PAK3: variants seen among roughly 807,000 people sequenced by gnomAD.
The protein encoded by PAK3 is p21 (RAC1) activated kinase 3, also known as serine/threonine-protein kinase PAK 3.
A neutral mutation model predicts 41.0 loss-of-function variants in PAK3; 4 were observed. The ratio of observed to expected loss-of-function variants is 0.10; its 90% CI spans 0.05 to 0.22. The LOEUF is 0.22. Ranked by LOEUF, PAK3 falls within the 10% of genes least tolerant of loss-of-function variation. The probability of loss-of-function intolerance (pLI) is 1.00; values close to 1 mark genes in which losing one functional copy is unlikely to be tolerated. For synonymous variants in PAK3, 146 were observed against 139.6 expected, an observed-to-expected ratio of 1.05 and a Z score of -0.32; for missense variants, 205 against 409.9, an observed-to-expected ratio of 0.50 and a Z score of 4.32.
intron 1 of PAK3, among the ~76,000 whole-genome samples, chrX:111,046,166 G>A (rs1447088512): frequency 9.0e-6 from 1 of 111,598 alleles, no homozygotes; most frequent in Non-Finnish European, 1.9e-5. Context: ...CTATTTGCTG[G>A]GCACTGTGCT....
intron 1 of PAK3, among the ~76,000 whole-genome samples, chrX:111,070,252 ACAACAGC>A (rs2092733198): frequency 2.2e-4 from 1 of 4,563 alleles, no homozygotes; most frequent in Non-Finnish European, 7.8e-3. Flanking sequence ...ATTTATATGG[ACAACAGC>A]TGAATTTGAT....
intron 1 of PAK3, among the ~76,000 whole-genome samples, chrX:110,983,822 C>T (rs1022280516): frequency 1.8e-5 from 2 of 111,186 alleles, no homozygotes; most frequent in African/African-American, 6.6e-5. Flanking sequence ...TCTGCAAATA[C>T]ATTCCTCTTC....
chrX:110,984,922 A>G (rs1439195504), intron 1 of PAK3, among the ~76,000 whole-genome samples: 1 of 110,061 alleles, frequency 9.1e-6, no homozygotes. Context: ...TGAGCCCAGG[A>G]GTTTGAGACC....
chrX:111,159,541 A>T (rs2094145253), intron 8 of PAK3, among the ~76,000 whole-genome samples: 1 of 111,699 alleles, frequency 9.0e-6, no homozygotes, highest in African/African-American at 3.3e-5. Flanking sequence ...TCTTGAACCC[A>T]GCTGGTGTAA....
chrX:110,976,280 C>T (rs2091327407), intron 1 of PAK3, among the ~76,000 whole-genome samples: 2 of 111,984 alleles, frequency 1.8e-5, no homozygotes, highest in South Asian at 7.5e-4. Context: ...ACAAACAACC[C>T]CATCAAAAAG....
chrX:111,132,502 A>G (rs748541794), intron 5 of PAK3, among the ~76,000 whole-genome samples: 9 of 110,833 alleles, frequency 8.1e-5, no homozygotes, highest in Non-Finnish European at 1.9e-5. Flanking sequence ...GTGTCAAGCT[A>G]GGGATTATGA....
chrX:110,945,572 A>C (rs1418748910), intron 1 of PAK3, among the ~76,000 whole-genome samples: 1 of 112,071 alleles, frequency 8.9e-6, no homozygotes, highest in Non-Finnish European at 1.9e-5. Context: ...TGATCCCTGC[A>C]GTGCCTTCCC....
At chrX:111,192,473 G>A (rs916086292) in intron 12 of PAK3, 33 bp from the exon 13 acceptor site, 3 of 731,034 alleles carry the variant, frequency 4.1e-6, no homozygotes, top group Non-Finnish European at 6.5e-6. Flanking sequence ...TATAATGATT[G>A]TAATTCATTC....
At chrX:110,994,904 T>A (rs910731192) in intron 1 of PAK3, among the ~76,000 whole-genome samples, 2 of 112,015 alleles carry the variant, frequency 1.8e-5, no homozygotes, top group African/African-American at 6.5e-5. Flanking sequence ...TTACCATATG[T>A]GATTATATTA....
rs372218715 is a variant in PAK3 at position 111,192,547 on chromosome X, G to A, written c.921G>A (p.Lys307=). The A allele has an allele frequency of 1.3e-5, 15 of 1,170,167 alleles. No homozygotes were observed. The highest frequency in any genetic ancestry group is 1.7e-5 in the Non-Finnish European group (15 of 859,580). The change falls in exon 13 of 18, where the codon AAG becomes AAA. Residue 307 remains lysine (K), a synonymous_variant. Transcript: ENST00000372007. ...KQMNLQQQPK[K]ELIINEILVM... ...TGAACCTTCAACAGCAACCCAAGAA[G>A]GAATTAATTATTAATGAAATTCTGG...
chrX:111,049,879 A>G (rs901393077), intron 1 of PAK3, among the ~76,000 whole-genome samples: 3 of 111,635 alleles, frequency 2.7e-5, no homozygotes, highest in Admixed American at 9.5e-5. Context: ...GGTATAGAAC[A>G]TGCTGATTTT....
intron 17 of PAK3, among the ~76,000 whole-genome samples, chrX:111,219,226 T>TAAGAAG (rs1180692214): frequency 1.0e-5 from 1 of 99,426 alleles, no homozygotes; most frequent in African/African-American, 4.1e-5. Flanking sequence ...ATAATAATAA[T>TAAGAAG]AATAATAATA....
chrX:111,006,861 T>TC (rs1569504984), intron 1 of PAK3, among the ~76,000 whole-genome samples: 1 of 43,061 alleles, frequency 2.3e-5, no homozygotes, highest in Non-Finnish European at 6.0e-5. Context: ...TTTTTTTTTT[T>TC]TTTGATAAGT....
intron 1 of PAK3, among the ~76,000 whole-genome samples, chrX:110,952,625 A>T (rs1028285411): frequency 7.2e-5 from 8 of 110,883 alleles, no homozygotes; most frequent in Non-Finnish European, 1.3e-4. Context: ...CACCCCAGGG[A>T]CGATTTTGAG....
At chrX:111,149,943 G>A (rs184547253) in intron 7 of PAK3, among the ~76,000 whole-genome samples, 206 of 112,339 alleles carry the variant, frequency 1.8e-3, no homozygotes, top group Non-Finnish European at 2.3e-3. Flanking sequence ...TAGTCAGGCT[G>A]CACATTTTCC....
intron 4 of PAK3, among the ~76,000 whole-genome samples, chrX:111,104,582 C>T (rs747839766): frequency 5.4e-5 from 6 of 111,287 alleles, no homozygotes; most frequent in East Asian, 2.8e-4. Context: ...TAGGCCTTGA[C>T]GGACAGAAGG....
chrX:111,109,781 C>T (rs1212824967), intron 4 of PAK3, among the ~76,000 whole-genome samples: 2 of 112,019 alleles, frequency 1.8e-5, no homozygotes, highest in Non-Finnish European at 3.8e-5. Flanking sequence ...TTCAGGCTTT[C>T]GTCCCAAACG....
At chrX:111,197,182 T>C (rs1051841442) in intron 16 of PAK3, among the ~76,000 whole-genome samples, 1 of 111,747 alleles carries the variant, frequency 8.9e-6, no homozygotes, top group Non-Finnish European at 1.9e-5. Context: ...CAACATTTGG[T>C]TTTCTGTTTC....
intron 1 of PAK3, among the ~76,000 whole-genome samples, chrX:111,012,392 G>T (rs1035904172): frequency 3.6e-5 from 4 of 112,006 alleles, no homozygotes; most frequent in Non-Finnish European, 7.5e-5. Context: ...ATGGTGGGTT[G>T]TAATTTATCT....
Sources: gnomAD v4.1 joint callset for allele counts (sites outside exome capture counted in the v4.1 genomes callset) on GRCh38, gnomAD v4.1.1 for gene constraint, MANE v1.5 for transcripts, NCBI Gene and HGNC (gene_info 2026-07-23, HGNC 2026-07-21) for gene names.